ZNF525: variants seen among roughly 807,000 people sequenced by gnomAD.
The protein encoded by ZNF525 is zinc finger protein 525.
A neutral mutation model predicts 37.6 loss-of-function variants in ZNF525; 33 were observed. The ratio of observed to expected loss-of-function variants is 0.88; its 90% CI spans 0.67 to 1.17. The LOEUF is 1.17. Ranked by LOEUF, ZNF525 falls within the 50% of genes most tolerant of loss-of-function variation. ZNF525 has a pLI of 0.00. For synonymous variants in ZNF525, 170 were observed against 182.3 expected, an observed-to-expected ratio of 0.93 and a Z score of 0.54; for missense variants, 449 against 543.1, an observed-to-expected ratio of 0.83 and a Z score of 1.72.
rs748954573 is a variant in ZNF525, at chr19:53,381,158, G to A, written c.579G>A (p.Gly193=). 1.4e-6 allele frequency: 2 copies of A among 1,383,098 alleles called. No homozygotes were observed. Among genetic ancestry groups the A allele is most frequent in the African/African-American group, 2.9e-5 (2 of 70,152 alleles). The allele number at this position is 1,383,098 out of a possible 1,614,324, so 85.7% of individuals were successfully genotyped here. ...AAACCCATATATCTAATAACTATGG[G>A]GATAATTTTCTGAATTATTCATTAC... ...RPKTHISNNY[G]DNFLNYSLLT... The change falls in exon 4 of 4, where the codon GGG becomes GGA. Residue 193 remains glycine, a synonymous_variant. Coordinates refer to ENST00000474037, the MANE Select transcript of ZNF525 (RefSeq NM_001348156.2).
At chr19:53,366,875 A>T (rs1182341552) in intron 1 of ZNF525, among the ~76,000 whole-genome samples, 1 of 152,050 alleles carries the variant, frequency 6.6e-6, no homozygotes, top group African/African-American at 2.4e-5. Context: ...GAAACTGAGG[A>T]CTAGAGAGAC....
At position 53,384,077 on chromosome 19, in the gene ZNF525, G is replaced by T; in HGVS notation, c.*2058G>T. 1 of 495,076 alleles carries T rather than the reference G, an allele frequency of 2.0e-6. No individual in the cohort carries two copies. The highest frequency in any genetic ancestry group is 1.7e-5 in the South Asian group (1 of 60,236). The allele number at this position is 495,076 out of a possible 1,614,324, so 30.7% of individuals were successfully genotyped here. ...TTCAGGTAATTGTTCCCAATGCAAT[G>T]AATATAGCAAACCATCAAGCATTGA... On this transcript the variant is annotated 3_prime_UTR_variant, in exon 4 of 4. Coordinates refer to ENST00000474037, the MANE Select transcript of ZNF525 (RefSeq NM_001348156.2).
chr19:53,377,652 T>G (rs2085531848), intron 3 of ZNF525, among the ~76,000 whole-genome samples: 1 of 151,776 alleles, frequency 6.6e-6, no homozygotes, highest in African/African-American at 2.4e-5. Flanking sequence ...CCTCCCAGGT[T>G]CAAGCGATTC....
rs757065189 is a variant in ZNF525, at chr19:53,381,424, A to T, written c.845A>T (p.Gln282Leu). 7 of 1,557,346 alleles carry T rather than the reference A, an allele frequency of 4.5e-6. No homozygotes were observed. The African/African-American group carries it at 9.5e-5, about 21-fold the overall frequency. ...KCNECGKSFS[Q>L]MSSLTYHHRL... ...AATGAGTGTGGCAAGTCCTTCAGTC[A>T]GATGTCATCCCTTACATATCATCAT... Residue 282 changes from glutamine to leucine, a missense_variant, in exon 4 of 4, where the codon CAG (glutamine) becomes CTG (leucine). This residue lies in a region of ZNF525 where 271 missense variants were observed against 381.6 expected (regional missense o/e 0.71). Coordinates refer to ENST00000474037, the MANE Select transcript of ZNF525 (RefSeq NM_001348156.2).
chr19:53,382,800 C>A lies in ZNF525; in HGVS notation c.*781C>A. 4 of 1,172,130 alleles carry A rather than the reference C, an allele frequency of 3.4e-6. No individual in the cohort carries two copies. The highest frequency in any genetic ancestry group is 5.0e-6 in the Non-Finnish European group (4 of 798,778). The allele number at this position is 1,172,130 out of a possible 1,614,324, so 72.6% of individuals were successfully genotyped here. On this transcript the variant is annotated 3_prime_UTR_variant, in exon 4 of 4. Transcript: ENST00000474037. ...CTTGCAGTTCACGGGCGAACTCATGCTGGAGAGAAACCTTACAAATGTGAA... is the reference window on the plus strand; with the variant it reads ...CTTGCAGTTCACGGGCGAACTCATGATGGAGAGAAACCTTACAAATGTGAA...
At chr19:53,375,937 C>T (rs753736546) in intron 3 of ZNF525, 41 bp downstream of exon 3, 43 of 1,611,620 alleles carry the variant, frequency 2.7e-5, no homozygotes, top group Non-Finnish European at 3.3e-5. Context: ...TGTGTCCTTT[C>T]GTATCTTTGT....
Position 53,386,229 on chromosome 19 carries a change from T to TGCCACATCTTCTC in ZNF525, c.*4211_*4223dup. ...GTGGTGTGTGCTTGACTCTGCTTCT[T>TGCCACATCTTCTC]GCCACATCTTCTCAGAAGACTTTCA... On this transcript the variant is annotated 3_prime_UTR_variant, in exon 4 of 4. Transcript: ENST00000474037. 1 of 649,428 alleles carries TGCCACATCTTCTC rather than the reference T, an allele frequency of 1.5e-6. No homozygotes were observed. The highest frequency in any genetic ancestry group is 2.9e-6 in the Non-Finnish European group (1 of 343,658). The allele number at this position is 649,428 out of a possible 1,614,324, so 40.2% of individuals were successfully genotyped here. A position where few individuals can be genotyped will look rare whatever the true frequency, so the allele number is the denominator to read the frequency against.
At chr19:53,380,215 C>T (rs983554887) in intron 3 of ZNF525, among the ~76,000 whole-genome samples, 14 of 151,698 alleles carry the variant, frequency 9.2e-5, no homozygotes, top group African/African-American at 2.2e-4. Flanking sequence ...CTCACCCTTG[C>T]GAGTAGCTGG....
Position 53,381,028 on chromosome 19 carries a change from A to G in ZNF525, c.449A>G (p.Glu150Gly). 1 of 1,568,460 alleles carries G rather than the reference A, an allele frequency of 6.4e-7. No individual in the cohort carries two copies. Residue 150 changes from glutamate (E) to glycine (G), a missense_variant, in exon 4 of 4, where the codon GAA (glutamate) becomes GGA (glycine). By Grantham distance (98) the Glu-to-Gly change is moderately conservative. Transcript: ENST00000474037. Reference protein sequence around the residue: ...LGSSFHSHLSELHIFQPKGKI... With the variant: ...LGSSFHSHLSGLHIFQPKGKI... ...TCAAGCTTTCATTCACATCTGTCTG[A>G]ACTCCACATATTTCAGCCCAAAGGG... is the stretch of plus-strand genomic sequence containing the variant.
chr19:53,366,844 G>T lies in ZNF525; in HGVS notation c.-68+1085G>T, dbSNP rs574049687. ...AGAATTTAACGGGGAGAGCAGAGGA[G>T]GCGCAGAGATGGTGTTGCGGGAAAC... On this transcript the variant is annotated intron_variant, in intron 1 of 3. Coordinates refer to ENST00000474037, the MANE Select transcript of ZNF525 (RefSeq NM_001348156.2). Among the ~76,000 whole-genome samples, 1,078 of 151,852 alleles carry T rather than the reference G, an allele frequency of 7.1e-3. 14 individuals carry two copies. The highest frequency in any genetic ancestry group is 0.022 in the African/African-American group (899 of 41,260).
rs1243146084 is a variant in ZNF525 at position 53,382,408 on chromosome 19, A to C, written c.*389A>C. On this transcript the variant is annotated 3_prime_UTR_variant, in exon 4 of 4. Transcript: ENST00000474037. The stretch of plus-strand genomic sequence containing the variant: ...AATGGAGAGAAACCGTACAAGTGTA[A>C]TGAGTGTGGCAAGACCTTCAGTCAG... 1 of 962,986 alleles carries C rather than the reference A, an allele frequency of 1.0e-6. No individual in the cohort carries two copies. The highest frequency in any genetic ancestry group is 2.5e-5 in the East Asian group (1 of 39,990). The allele number at this position is 962,986 out of a possible 1,614,324, so 59.7% of individuals were successfully genotyped here.
Position 53,385,237 on chromosome 19 carries a change from C to A in ZNF525, c.*3218C>A. ...ATGAGAAAATTGTGCATGAATTTCACAATTTTTGCACCAAAATAAACTAGT... is the reference window on the plus strand; with the variant it reads ...ATGAGAAAATTGTGCATGAATTTCAAAATTTTTGCACCAAAATAAACTAGT... On this transcript the variant is annotated 3_prime_UTR_variant, in exon 4 of 4. Coordinates refer to ENST00000474037, the MANE Select transcript of ZNF525 (RefSeq NM_001348156.2). 8.9e-6 allele frequency: 4 copies of A among 449,632 alleles called. No homozygotes were observed. The highest frequency in any genetic ancestry group is 1.2e-5 in the Non-Finnish European group (3 of 254,018). 27.9% of individuals were successfully genotyped at this position (449,632 alleles called of 1,614,324 possible). A position where few individuals can be genotyped will look rare whatever the true frequency, so the allele number is the denominator to read the frequency against.
intron 3 of ZNF525, among the ~76,000 whole-genome samples, chr19:53,376,642 A>ATCTTGGCTCACCGC (rs1173197083): frequency 1.3e-5 from 2 of 152,052 alleles, no homozygotes; most frequent in Non-Finnish European, 2.9e-5. Flanking sequence ...CAGTGGGGCG[A>ATCTTGGCTCACCGC]TCTTGGCTCA....
chr19:53,373,735 T>C (rs139394599), intron 2 of ZNF525, among the ~76,000 whole-genome samples: 3,000 of 151,712 alleles, frequency 0.02, 103 homozygotes, highest in African/African-American at 0.068. Context: ...GGCAAGAGAA[T>C]GACTTGAACC....
At position 53,382,222 on chromosome 19, in the gene ZNF525, A is replaced by G; in HGVS notation, c.*203A>G. 6.3e-7 allele frequency: 1 copy of G among 1,579,684 alleles called. No homozygotes were observed. ...AGACATAGGAGAATTCACACTGGTGAGAAACCTTACAGGTGTAATAGGTGT... is the reference window on the plus strand; with the variant it reads ...AGACATAGGAGAATTCACACTGGTGGGAAACCTTACAGGTGTAATAGGTGT... On this transcript the variant is annotated 3_prime_UTR_variant, in exon 4 of 4. Coordinates refer to ENST00000474037, the MANE Select transcript of ZNF525 (RefSeq NM_001348156.2).
At position 53,381,636 on chromosome 19, in the gene ZNF525, A is replaced by G. The variant is rs1186340857; in HGVS notation, c.1057A>G (p.Lys353Glu). 8.9e-7 allele frequency: 1 copy of G among 1,129,436 alleles called. No individual in the cohort carries two copies. The highest frequency in any genetic ancestry group is 1.4e-6 in the Non-Finnish European group (1 of 737,406). The allele number at this position is 1,129,436 out of a possible 1,614,324, so 70.0% of individuals were successfully genotyped here. ...ACHRSIHTGKKPYECEECDKA... is the reference protein window; with the variant it reads ...ACHRSIHTGKEPYECEECDKA... The stretch of plus-strand genomic sequence containing the variant: ...CCATCGTAGCATTCATACTGGAAAG[A>G]AACCTTACGAATGTGAAGAATGTGA... The change falls in exon 4 of 4, where the codon AAA (lysine) becomes GAA (glutamate). Residue 353 changes from lysine to glutamate, a missense_variant. Coordinates refer to ENST00000474037, the MANE Select transcript of ZNF525 (RefSeq NM_001348156.2).
chr19:53,386,430 G>T lies in ZNF525; in HGVS notation c.*4411G>T. ...TGGCACACATATTTATGCTGTCTGA[G>T]CATCACAATCACGTTACCATATCAA... On this transcript the variant is annotated 3_prime_UTR_variant, in exon 4 of 4. Coordinates refer to ENST00000474037, the MANE Select transcript of ZNF525 (RefSeq NM_001348156.2). 1 of 761,346 alleles carries T rather than the reference G, an allele frequency of 1.3e-6. No homozygotes were observed. Among genetic ancestry groups the T allele is most frequent in the Non-Finnish European group, 2.3e-6 (1 of 436,596 alleles). The allele number at this position is 761,346 out of a possible 1,614,324, so 47.2% of individuals were successfully genotyped here. A position where few individuals can be genotyped will look rare whatever the true frequency, so the allele number is the denominator to read the frequency against.
chr19:53,383,148 A>C lies in ZNF525; in HGVS notation c.*1129A>C, dbSNP rs754668824. On this transcript the variant is annotated 3_prime_UTR_variant, in exon 4 of 4. Coordinates refer to ENST00000474037, the MANE Select transcript of ZNF525 (RefSeq NM_001348156.2). The stretch of plus-strand genomic sequence containing the variant: ...CATAGAACTCATACTGGAGAGAAAC[A>C]TTACAAGTGTAATGAGTGTGGCAAG... 4.3e-5 allele frequency: 56 copies of C among 1,316,958 alleles called. No individual in the cohort carries two copies. Among genetic ancestry groups the C allele is most frequent in the Non-Finnish European group, 5.5e-5 (51 of 935,492 alleles). 81.6% of individuals were successfully genotyped at this position (1,316,958 alleles called of 1,614,324 possible). A position where few individuals can be genotyped will look rare whatever the true frequency, so the allele number is the denominator to read the frequency against.
In ZNF525 at chr19:53,383,099, C is replaced by A; in HGVS notation, c.*1080C>A. ...TAATAAATGTGGCGAGGTTTTTAATCAACAAGCACACCTTGCACGTCATCA... is the reference window on the plus strand; with the variant it reads ...TAATAAATGTGGCGAGGTTTTTAATAAACAAGCACACCTTGCACGTCATCA... On this transcript the variant is annotated 3_prime_UTR_variant, in exon 4 of 4. Transcript: ENST00000474037. 7.4e-7 allele frequency: 1 copy of A among 1,352,204 alleles called. No individual in the cohort carries two copies. Among genetic ancestry groups the A allele is most frequent in the Non-Finnish European group, 1.0e-6 (1 of 957,872 alleles). The allele number at this position is 1,352,204 out of a possible 1,614,324, so 83.8% of individuals were successfully genotyped here.
Sources: gnomAD v4.1 joint callset for allele counts (sites outside exome capture counted in the v4.1 genomes callset) on GRCh38, gnomAD v4.1.1 for gene constraint, gnomAD v4.1.1 regional missense constraint, MANE v1.5 for transcripts, NCBI Gene and HGNC (gene_info 2026-07-23, HGNC 2026-07-21) for gene names.